RANBP17: variants seen among roughly 807,000 people sequenced by gnomAD.
RANBP17 encodes the protein RAN binding protein 17.
Under a neutral mutation model 141.2 loss-of-function variants are expected in RANBP17, and 158 were observed. The observed-to-expected ratio is 1.12, with a 90% CI of 0.98 to 1.28. RANBP17 has a LOEUF of 1.28. RANBP17 is among the 50% of genes most tolerant of loss of function. RANBP17 has a pLI of 0.00. For missense variants in RANBP17, 1,438 were observed against 1,290.7 expected, an observed-to-expected ratio of 1.11 and a Z score of -1.75; for synonymous variants, 430 against 450.0, an observed-to-expected ratio of 0.96 and a Z score of 0.56.
intron 14 of RANBP17, among the ~76,000 whole-genome samples, chr5:170,970,254 A>T (rs1207003110): frequency 6.6e-6 from 1 of 151,884 alleles, no homozygotes; most frequent in Non-Finnish European, 1.5e-5. Flanking sequence ...TCTGATTCCA[A>T]ATTGTGGCAA....
chr5:170,882,132 G>A (rs1768752286), intron 3 of RANBP17, among the ~76,000 whole-genome samples: 1 of 151,998 alleles, frequency 6.6e-6, no homozygotes, highest in Non-Finnish European at 1.5e-5. Context: ...TCACCAGGCT[G>A]GAGTGCAGTG....
intron 14 of RANBP17, among the ~76,000 whole-genome samples, chr5:171,162,833 C>G (rs996365929): frequency 6.6e-6 from 1 of 152,110 alleles, no homozygotes; most frequent in Non-Finnish European, 1.5e-5. Flanking sequence ...TGAGTTCATG[C>G]TTTGTGCCAC....
chr5:170,873,572 G>A (rs577941768), intron 1 of RANBP17, among the ~76,000 whole-genome samples: 2 of 152,314 alleles, frequency 1.3e-5, no homozygotes, highest in African/African-American at 4.8e-5. Flanking sequence ...TTAGTGTTGT[G>A]AGGGTGTATA....
chr5:170,922,992 A>G lies in RANBP17; in HGVS notation c.1275-1365A>G, dbSNP rs1397437455. On this transcript the variant is annotated intron_variant, in intron 11 of 27. Coordinates refer to ENST00000523189, the MANE Select transcript of RANBP17 (RefSeq NM_022897.5). ...TCATTTTCTTAGCAGAGTCCTTAGAAGAGCAGAAGTTTTAAATTTTGACTA... is the reference window on the plus strand; with the variant it reads ...TCATTTTCTTAGCAGAGTCCTTAGAGGAGCAGAAGTTTTAAATTTTGACTA... 5.5e-5 allele frequency among the ~76,000 whole-genome samples: 8 copies of G among 144,544 alleles called. No individual in the cohort carries two copies. The South Asian group carries it at 1.8e-3, about 33-fold the overall frequency. The allele number at this position is 144,544 out of a possible 152,430, so 94.8% of individuals were successfully genotyped here.
chr5:171,176,053 C>G (rs1760462888), intron 16 of RANBP17, among the ~76,000 whole-genome samples: 1 of 152,122 alleles, frequency 6.6e-6, no homozygotes, highest in Non-Finnish European at 1.5e-5. Context: ...GGAGCTGGCT[C>G]TGGTTTGGTT....
chr5:171,297,495 G>A (rs920525941), intron 27 of RANBP17, among the ~76,000 whole-genome samples: 2 of 152,174 alleles, frequency 1.3e-5, no homozygotes, highest in African/African-American at 4.8e-5. Flanking sequence ...AGTGTATTCT[G>A]GAGTTACCAG....
intron 14 of RANBP17, among the ~76,000 whole-genome samples, chr5:171,020,999 C>T (rs1780815901): frequency 6.6e-6 from 1 of 152,148 alleles, no homozygotes; most frequent in South Asian, 2.1e-4. Context: ...ATTTGCTTGT[C>T]TGAAATGGAT....
At chr5:171,062,547 T>C (rs2127675066) in intron 14 of RANBP17, among the ~76,000 whole-genome samples, 1 of 152,334 alleles carries the variant, frequency 6.6e-6, no homozygotes, top group South Asian at 2.1e-4. Flanking sequence ...TCTGATGGGC[T>C]TCCCTTTGAG....
chr5:171,158,171 G>A (rs1759037070), intron 14 of RANBP17, among the ~76,000 whole-genome samples: 1 of 152,180 alleles, frequency 6.6e-6, no homozygotes, highest in African/African-American at 2.4e-5. Flanking sequence ...TGTGAGAAAA[G>A]CACTTGGTTA....
intron 14 of RANBP17, among the ~76,000 whole-genome samples, chr5:171,032,622 T>C (rs894031567): frequency 1.3e-5 from 2 of 152,168 alleles, no homozygotes; most frequent in African/African-American, 4.8e-5. Flanking sequence ...GACTTAATAG[T>C]GATCTATATT....
At chr5:171,189,978 TA>T (rs961721294) in intron 18 of RANBP17, among the ~76,000 whole-genome samples, 28 of 147,668 alleles carry the variant, frequency 1.9e-4, no homozygotes, top group Admixed American at 9.5e-4. Flanking sequence ...CTCCTCAAAT[TA>T]AAAAAAAAAG....
intron 14 of RANBP17, among the ~76,000 whole-genome samples, chr5:171,081,115 C>T (rs968148934): frequency 6.6e-6 from 1 of 152,148 alleles, no homozygotes; most frequent in Non-Finnish European, 1.5e-5. Flanking sequence ...AAACCCTAGT[C>T]CATCTGAGTT....
chr5:171,018,901 A>G (rs533336929), intron 14 of RANBP17, among the ~76,000 whole-genome samples: 122 of 152,268 alleles, frequency 8.0e-4, no homozygotes, highest in African/African-American at 2.9e-3. Context: ...GTTTGTCATA[A>G]ATAGCTCTTA....
At chr5:170,951,420 A>G (rs1262989686) in intron 12 of RANBP17, among the ~76,000 whole-genome samples, 3 of 152,152 alleles carry the variant, frequency 2.0e-5, no homozygotes, top group Admixed American at 6.5e-5. Flanking sequence ...ATAAAGAAAA[A>G]TAAGTATTGA....
chr5:171,265,557 A>T (rs1766615377), intron 24 of RANBP17, 124 bp from the exon 25 acceptor site: 1 of 887,610 alleles, frequency 1.1e-6, no homozygotes, highest in African/African-American at 1.7e-5. Flanking sequence ...GCCCTCAAAG[A>T]ACTTGCAATT....
rs569262428 is a variant in RANBP17 at position 170,939,444 on chromosome 5, G to A, written c.1469-14153G>A. Among the ~76,000 whole-genome samples the A allele has an allele frequency of 2.0e-5, 3 of 151,762 alleles. No homozygotes were observed. In the South Asian group the frequency reaches 6.3e-4, roughly 32 times the overall value. Reference sequence around the variant, plus strand: ...CTGTCAACCAGGCTGGAGTGCAGTGGCGTGATCTCAGTTCATTGCAACCTC... The same window carrying A: ...CTGTCAACCAGGCTGGAGTGCAGTGACGTGATCTCAGTTCATTGCAACCTC... On this transcript the variant is annotated intron_variant, in intron 12 of 27. Coordinates refer to ENST00000523189, the MANE Select transcript of RANBP17 (RefSeq NM_022897.5).
intron 13 of RANBP17, among the ~76,000 whole-genome samples, chr5:170,964,383 T>G (rs563934252): frequency 3.3e-5 from 5 of 151,728 alleles, no homozygotes; most frequent in Admixed American, 2.0e-4. Flanking sequence ...GGAATGTTTT[T>G]TTGTTGTTGT....
intron 18 of RANBP17, among the ~76,000 whole-genome samples, chr5:171,189,978 T>TA (rs961721294): frequency 6.1e-5 from 9 of 147,758 alleles, no homozygotes; most frequent in Non-Finnish European, 7.5e-5. Flanking sequence ...CTCCTCAAAT[T>TA]AAAAAAAAAA....
chr5:171,264,595 A>C, intron 24 of RANBP17, among the ~76,000 whole-genome samples: 1 of 152,208 alleles, frequency 6.6e-6, no homozygotes, highest in East Asian at 1.9e-4. Context: ...TAAAAATAAT[A>C]ACATGTAAAG....
Sources: allele counts gnomAD v4.1 joint callset (sites outside exome capture counted in the v4.1 genomes callset), GRCh38; gene constraint gnomAD v4.1.1; transcripts MANE v1.5; gene names NCBI Gene and HGNC (gene_info 2026-07-23, HGNC 2026-07-21).